Variants in DDX11 observed in about 807,000 individuals in gnomAD.
DDX11 encodes the protein DEAD/H-box helicase 11.
In DDX11, 72 loss-of-function variants were observed where a neutral mutation model predicts 125.2. The ratio of observed to expected loss-of-function variants is 0.58; its 90% CI spans 0.48 to 0.70. The LOEUF (loss-of-function observed/expected upper bound fraction) is 0.70, where lower values mean the gene tolerates loss of function less well. DDX11 is among the 30% of genes least tolerant of loss of function. The pLI is 0.00. For missense variants in DDX11, 883 were observed against 1,165.0 expected, an observed-to-expected ratio of 0.76 and a Z score of 3.52; for synonymous variants, 347 against 452.6, an observed-to-expected ratio of 0.77 and a Z score of 2.96.
intron 5 of DDX11, among the ~76,000 whole-genome samples, chr12:31,086,746 G>C (rs566994868): frequency 6.8e-6 from 1 of 147,548 alleles, no homozygotes; most frequent in East Asian, 2.1e-4. Flanking sequence ...ATGCCCTCAC[G>C]TTTCAGGAGA....
intron 5 of DDX11, chr12:31,087,604 G>C (rs984847280): frequency 4.9e-6 from 2 of 407,686 alleles, no homozygotes; most frequent in African/African-American, 4.1e-5. Context: ...GCAAATATCC[G>C]CCCTGGGGCC....
chr12:31,076,093 G>A (rs1359550545), intron 1 of DDX11, among the ~76,000 whole-genome samples: 1 of 152,220 alleles, frequency 6.6e-6, no homozygotes, highest in Non-Finnish European at 1.5e-5. Context: ...GTCTCAGGCT[G>A]ACCAGTGCTC....
In DDX11 at chr12:31,089,435, A is replaced by G; in HGVS notation, c.825A>G (p.Leu275=). Residue 275 remains leucine, a synonymous_variant, in exon 8 of 27, where the codon CTA becomes CTG. Coordinates refer to ENST00000542838, the MANE Select transcript of DDX11 (RefSeq NM_030653.4). Reference sequence around the variant, plus strand: ...GTGTAAATGAAGACGTGAAAAGCCTAGGTTCTGTGCAGCTTATCAACGACC... The same window carrying G: ...GTGTAAATGAAGACGTGAAAAGCCTGGGTTCTGTGCAGCTTATCAACGACC... ...NLCVNEDVKS[L]GSVQLINDRC... The G allele has an allele frequency of 1.9e-6, 3 of 1,613,964 alleles. No homozygotes were observed. Among genetic ancestry groups the G allele is most frequent in the Non-Finnish European group, 2.5e-6 (3 of 1,179,858 alleles).
At chr12:31,097,733 T>C (rs1273372852) in intron 17 of DDX11, 152 bp from the exon 18 acceptor site, 3 of 589,448 alleles carry the variant, frequency 5.1e-6, no homozygotes, top group Non-Finnish European at 6.4e-6. Context: ...CTCTGTGGGC[T>C]GGTTGTCCTA....
chr12:31,101,372 C>T (rs1267773964), intron 20 of DDX11: 8 of 583,196 alleles, frequency 1.4e-5, no homozygotes, highest in South Asian at 7.8e-5. Context: ...TCCAGGCATC[C>T]TCTGAGGACG....
At position 31,089,997 on chromosome 12, in the gene DDX11, T is replaced by C; in HGVS notation, c.992T>C (p.Leu331Pro). The C allele has an allele frequency of 6.4e-7, 1 of 1,573,374 alleles. No homozygotes were observed. The highest frequency in any genetic ancestry group is 8.6e-7 in the Non-Finnish European group (1 of 1,160,134). The change falls in exon 9 of 27, where the codon CTG becomes CCG. Residue 331 changes from leucine to proline, a missense_variant. Leu to Pro is a moderately conservative substitution (Grantham distance 98). Transcript: ENST00000542838. ...EQMGLLRDEA[L>P]AEVKDMEQLL... is the part of the protein sequence containing the mutation. Reference sequence around the variant, plus strand: ...ATGGGCCTTCTCCGGGATGAGGCCCTGGCAGAGGTGAAGGACATGGAGCAG... The same window carrying C: ...ATGGGCCTTCTCCGGGATGAGGCCCCGGCAGAGGTGAAGGACATGGAGCAG...
At chr12:31,096,776 G>A in intron 16 of DDX11, 31 bp downstream of exon 16, 1 of 1,614,208 alleles carries the variant, frequency 6.2e-7, no homozygotes, top group Non-Finnish European at 8.5e-7. Context: ...GGCAGAGCCG[G>A]CTGCACGCAT....
rs746294268 is a variant in DDX11 at position 31,102,930 on chromosome 12, G to A, written c.2373-6G>A. The A allele has an allele frequency of 2.0e-5, 33 of 1,613,786 alleles. 1 individual carries two copies. The highest frequency in any genetic ancestry group is 1.8e-4 in the South Asian group (16 of 91,078). On this transcript the variant is annotated splice_polypyrimidine_tract_variant and splice_region_variant and intron_variant, in intron 23 of 26. Transcript: ENST00000542838. ...CACCTGCTGGGCTCTTGTCTCCCCC[G>A]CCCAGGTGTGTGGTGATGGTGGGCA...
At chr12:31,096,580 C>A in intron 15 of DDX11, 57 bp from the exon 16 acceptor site, 2 of 1,599,338 alleles carry the variant, frequency 1.3e-6, no homozygotes, top group East Asian at 2.3e-5. Context: ...ATCCACCCAG[C>A]CTCTCTCTCA....
intron 1 of DDX11, among the ~76,000 whole-genome samples, chr12:31,077,603 T>C (rs917964720): frequency 1.3e-5 from 2 of 151,914 alleles, no homozygotes; most frequent in Non-Finnish European, 2.9e-5. Flanking sequence ...ATCCCAGCAC[T>C]TCGGGAGGCC....
At chr12:31,082,083 G>A (rs1310673518) in intron 2 of DDX11, among the ~76,000 whole-genome samples, 1 of 116,068 alleles carries the variant, frequency 8.6e-6, no homozygotes, top group Non-Finnish European at 1.7e-5. Flanking sequence ...TGAGGGAAAT[G>A]GTACATATGG....
At chr12:31,085,683 G>A (rs1208769982) in intron 5 of DDX11, among the ~76,000 whole-genome samples, 2 of 152,196 alleles carry the variant, frequency 1.3e-5, no homozygotes, top group Non-Finnish European at 2.9e-5. Flanking sequence ...AGGATCCCTG[G>A]TCACAGCCCT....
intron 21 of DDX11, 75 bp downstream of exon 21, chr12:31,102,057 T>C: frequency 1.3e-6 from 2 of 1,579,740 alleles, no homozygotes; most frequent in Non-Finnish European, 1.7e-6. Context: ...CTCGTGCTCA[T>C]CGGGTCAGGA....
At position 31,102,485 on chromosome 12, in the gene DDX11, G is replaced by C; in HGVS notation, c.2330G>C (p.Gly777Ala). Reference sequence around the variant, plus strand: ...GCCCTGCTCCTCTCTGTGGTTGGAGGAAAGATGAGTGAAGGGATCAACTTC... The same window carrying C: ...GCCCTGCTCCTCTCTGTGGTTGGAGCAAAGATGAGTGAAGGGATCAACTTC... ...TGALLLSVVGGKMSEGINFSD... is the reference protein window; with the variant it reads ...TGALLLSVVGAKMSEGINFSD... The change falls in exon 23 of 27, where the codon GGA becomes GCA. Residue 777 changes from glycine (G) to alanine (A), a missense_variant. This residue lies in a region of DDX11 where 285 missense variants were observed against 346.0 expected (regional missense o/e 0.82). Coordinates refer to ENST00000542838, the MANE Select transcript of DDX11 (RefSeq NM_030653.4). 6.2e-7 allele frequency: 1 copy of C among 1,614,034 alleles called. No individual in the cohort carries two copies. The highest frequency in any genetic ancestry group is 8.5e-7 in the Non-Finnish European group (1 of 1,179,912).
chr12:31,097,458 A>G (rs1046634021), intron 17 of DDX11, among the ~76,000 whole-genome samples: 2 of 149,296 alleles, frequency 1.3e-5, no homozygotes, highest in African/African-American at 2.5e-5. Context: ...GGGGGGGCGG[A>G]TCGTGAGTTC....
At chr12:31,102,751 G>T in intron 23 of DDX11, 185 bp from the exon 24 acceptor site, 1 of 727,326 alleles carries the variant, frequency 1.4e-6, no homozygotes, top group East Asian at 2.7e-5. Flanking sequence ...CAGTCAATTG[G>T]CCTAGACGGG....
chr12:31,081,499 C>T (rs919973395), intron 2 of DDX11, among the ~76,000 whole-genome samples: 7 of 151,938 alleles, frequency 4.6e-5, no homozygotes, highest in African/African-American at 1.7e-4. Flanking sequence ...TGTGCTGTGC[C>T]TTGTGTAATA....
At chr12:31,085,273 G>T (rs746972214) in intron 5 of DDX11, 147 bp downstream of exon 5, 20 of 1,168,954 alleles carry the variant, frequency 1.7e-5, no homozygotes, top group Non-Finnish European at 2.4e-5. Flanking sequence ...TCCTTCCTAG[G>T]GTCCATGAGT....
chr12:31,083,062 G>A (rs1942290563), intron 2 of DDX11, among the ~76,000 whole-genome samples: 1 of 152,132 alleles, frequency 6.6e-6, no homozygotes, highest in African/African-American at 2.4e-5. Flanking sequence ...TGAGATGCTG[G>A]GGGTTAGGAT....
Sources: allele counts gnomAD v4.1 joint callset (sites outside exome capture counted in the v4.1 genomes callset), GRCh38; gene constraint gnomAD v4.1.1; regional missense constraint gnomAD v4.1.1; transcripts MANE v1.5; gene names NCBI Gene and HGNC (gene_info 2026-07-23, HGNC 2026-07-21).